PDE4D: variants seen among roughly 807,000 people sequenced by gnomAD.
PDE4D encodes phosphodiesterase 4D, also known as 3',5'-cyclic-AMP phosphodiesterase 4D.
In PDE4D, 24 loss-of-function variants were observed where a neutral mutation model predicts 87.4. The observed-to-expected ratio is 0.27, with a 90% CI of 0.20 to 0.39. The LOEUF is 0.39. PDE4D is among the 10% of genes least tolerant of loss of function. PDE4D has a pLI of 1.00. For synonymous variants in PDE4D, 384 were observed against 383.2 expected, an observed-to-expected ratio of 1.00 and a Z score of -0.02; for missense variants, 714 against 1,041.0, an observed-to-expected ratio of 0.69 and a Z score of 4.32.
chr5:58,971,758 C>T lies in PDE4D; in HGVS notation c.*2906G>A, dbSNP rs1004960923. 6.6e-6 allele frequency: 1 copy of T among 152,546 alleles called. No homozygotes were observed. The highest frequency in any genetic ancestry group is 2.4e-5 in the African/African-American group (1 of 41,440). 9.4% of individuals were successfully genotyped at this position (152,546 alleles called of 1,614,324 possible). On this transcript the variant is annotated 3_prime_UTR_variant, in exon 15 of 15. Transcript: ENST00000340635. ...AAACTTGGACATTTTTTTCCCCATA[C>T]AGTACCCAGATATTGCATTTTCTTA...
At chr5:60,223,501 G>C (rs1270734026) in intron 1 of PDE4D, among the ~76,000 whole-genome samples, 1 of 152,088 alleles carries the variant, frequency 6.6e-6, no homozygotes, top group Admixed American at 6.6e-5. Flanking sequence ...TCAGGCTCAT[G>C]ATGACCCACA....
In PDE4D at chr5:58,973,427, A is replaced by AAAAC. The variant is rs1742969677; in HGVS notation, c.*1233_*1236dup. The AAAAC allele has an allele frequency of 6.7e-6, 1 of 148,816 alleles. No homozygotes were observed. The highest frequency in any genetic ancestry group is 1.5e-5 in the Non-Finnish European group (1 of 65,334). 9.2% of individuals were successfully genotyped at this position (148,816 alleles called of 1,614,324 possible). A position where few individuals can be genotyped will look rare whatever the true frequency, so the allele number is the denominator to read the frequency against. Reference sequence around the variant, plus strand: ...CTTTTTCTTACTATAACTGGCTGTAAAAACAATAAAAATGAGCATGAAATG... The same window carrying AAAAC: ...CTTTTTCTTACTATAACTGGCTGTAAAAACAAACAATAAAAATGAGCATGAAATG... On this transcript the variant is annotated 3_prime_UTR_variant, in exon 15 of 15. Coordinates refer to ENST00000340635, the MANE Select transcript of PDE4D (RefSeq NM_001104631.2).
intron 2 of PDE4D, among the ~76,000 whole-genome samples, chr5:60,146,169 G>A (rs922845033): frequency 9.9e-5 from 15 of 152,266 alleles, no homozygotes; most frequent in East Asian, 3.9e-4. Flanking sequence ...AGCCAAGCTC[G>A]CGCCACTGCA....
At chr5:60,060,804 C>A (rs1771313356) in intron 2 of PDE4D, among the ~76,000 whole-genome samples, 1 of 151,994 alleles carries the variant, frequency 6.6e-6, no homozygotes, top group South Asian at 2.1e-4. Context: ...CTATTCACTG[C>A]AGAACACCAT....
chr5:59,355,710 T>C lies in PDE4D; in HGVS notation c.456-139742A>G, dbSNP rs1483468450. 2.0e-5 allele frequency among the ~76,000 whole-genome samples: 3 copies of C among 152,310 alleles called. No homozygotes were observed. In the East Asian group the frequency reaches 5.8e-4, roughly 29 times the overall value. On this transcript the variant is annotated intron_variant, in intron 1 of 14. Transcript: ENST00000340635. ...TTTACCTCTTGCCAAAGTTTGCTTA[T>C]GCATTGTTATACAAAATTTTTAAAT...
rs75735314 is a variant in PDE4D at position 59,066,987 on chromosome 5, G to GATTTATTTATTTATTTATTT, written c.809-28036_809-28017dup. Among the ~76,000 whole-genome samples, 6 of 141,212 alleles carry GATTTATTTATTTATTTATTT rather than the reference G, an allele frequency of 4.2e-5. 1 individual carries two copies. Among genetic ancestry groups the GATTTATTTATTTATTTATTT allele is most frequent in the Non-Finnish European group, 6.1e-5 (4 of 65,214 alleles). 92.6% of individuals were successfully genotyped at this position (141,212 alleles called of 152,430 possible). The stretch of plus-strand genomic sequence containing the variant: ...GTTGTTTATAAGCCACCCAGCTCGT[G>GATTTATTTATTTATTTATTT]ATTTATTTATTTATTTATTTATTTA... On this transcript the variant is annotated intron_variant, in intron 5 of 14. Transcript: ENST00000340635.
intron 1 of PDE4D, among the ~76,000 whole-genome samples, chr5:60,286,499 C>T (rs1235819953): frequency 1.3e-5 from 2 of 152,066 alleles, no homozygotes; most frequent in Middle Eastern, 3.2e-3. Flanking sequence ...AGAATAGCTG[C>T]AAATGACACT....
intron 1 of PDE4D, among the ~76,000 whole-genome samples, chr5:59,681,541 C>T (rs6450525): frequency 0.043 from 6,558 of 152,152 alleles, 501 homozygotes; most frequent in African/African-American, 0.15. Flanking sequence ...ATGATTAGAT[C>T]ATGAGAGCAT....
intron 11 of PDE4D, among the ~76,000 whole-genome samples, chr5:58,981,852 G>T (rs1745242973): frequency 6.6e-6 from 1 of 152,108 alleles, no homozygotes; most frequent in African/African-American, 2.4e-5. Context: ...AATACTAAGG[G>T]ATGCCCTAAG....
intron 6 of PDE4D, 27 bp from the exon 7 acceptor site, chr5:58,993,492 TAATAG>T: frequency 7.0e-7 from 1 of 1,431,056 alleles, no homozygotes; most frequent in South Asian, 1.2e-5. Context: ...TAAAATGAAA[TAATAG>T]AAGAGGAAAA....
At chr5:58,978,421 G>A (rs1173734958) in intron 11 of PDE4D, among the ~76,000 whole-genome samples, 3 of 150,826 alleles carry the variant, frequency 2.0e-5, no homozygotes, top group Non-Finnish European at 4.4e-5. Flanking sequence ...GTTTCAAAAA[G>A]AAAAGAAAAG....
At chr5:59,289,184 G>A (rs1767541020) in intron 1 of PDE4D, among the ~76,000 whole-genome samples, 3 of 151,936 alleles carry the variant, frequency 2.0e-5, no homozygotes, top group African/African-American at 7.2e-5. Flanking sequence ...ACAACAGAAA[G>A]TTTTAAAGCG....
chr5:59,710,106 CA>C (rs1304529679), intron 1 of PDE4D, among the ~76,000 whole-genome samples: 1 of 152,114 alleles, frequency 6.6e-6, no homozygotes, highest in East Asian at 1.9e-4. Context: ...AGGATATAAA[CA>C]ATTATACAAC....
At chr5:59,012,491 G>T (rs566479085) in intron 6 of PDE4D, among the ~76,000 whole-genome samples, 4 of 152,070 alleles carry the variant, frequency 2.6e-5, no homozygotes, top group Non-Finnish European at 5.9e-5. Context: ...AAAAAAAGCA[G>T]GGGTTGCAAT....
intron 1 of PDE4D, among the ~76,000 whole-genome samples, chr5:59,798,254 C>CTGTGTGTGTGTGTG (rs72009917): frequency 5.6e-5 from 8 of 143,850 alleles, no homozygotes; most frequent in Non-Finnish European, 1.1e-4. Context: ...ATATAAATGC[C>CTGTGTGTGTGTGTG]TGTGTGTGTG....
intron 1 of PDE4D, among the ~76,000 whole-genome samples, chr5:60,464,285 C>T (rs1375023980): frequency 6.6e-6 from 1 of 152,086 alleles, no homozygotes; most frequent in Non-Finnish European, 1.5e-5. Flanking sequence ...TCATGTTTTA[C>T]AAATGGTATA....
intron 1 of PDE4D, among the ~76,000 whole-genome samples, chr5:59,424,405 C>T (rs1363745182): frequency 1.3e-5 from 2 of 152,084 alleles, no homozygotes; most frequent in South Asian, 2.1e-4. Context: ...TTGCTGTATT[C>T]GTCTGTTCTC....
chr5:60,435,746 AT>A lies in PDE4D; in HGVS notation c.-90+52195del, dbSNP rs199963020. ...GTCTATGGAGTATGTAGCTTTCAAGATTTTTTTTTAGAAATTAAAGTCCAAT... is the reference window on the plus strand; with the variant it reads ...GTCTATGGAGTATGTAGCTTTCAAGATTTTTTTTAGAAATTAAAGTCCAAT... On this transcript the variant is annotated intron_variant, in intron 1 of 16. Coordinates refer to the PDE4D transcript ENST00000502484. Among the ~76,000 whole-genome samples the A allele has an allele frequency of 5.0e-4, 75 of 151,510 alleles. 1 individual carries two copies. In the East Asian group the frequency reaches 0.011, roughly 21 times the overall value.
chr5:59,389,837 C>T (rs1309002997), intron 1 of PDE4D, among the ~76,000 whole-genome samples: 5 of 151,782 alleles, frequency 3.3e-5, no homozygotes, highest in Non-Finnish European at 5.9e-5. Context: ...ATGATGGTTA[C>T]CAGAGGCTGG....
Sources: allele counts gnomAD v4.1 joint callset (sites outside exome capture counted in the v4.1 genomes callset), GRCh38; gene constraint gnomAD v4.1.1; transcripts MANE v1.5; gene names NCBI Gene and HGNC (gene_info 2026-07-23, HGNC 2026-07-21).